Variants in ARHGAP26 observed in about 807,000 individuals in gnomAD.
ARHGAP26 encodes the protein rho GTPase-activating protein 26.
ARHGAP26 carries 38 observed loss-of-function variants against 104.8 expected under a neutral mutation model. That is an observed-to-expected ratio of 0.36 (90% CI 0.28 to 0.48). ARHGAP26 has a LOEUF of 0.48. ARHGAP26 is among the 20% of genes least tolerant of loss of function. The probability of loss-of-function intolerance (pLI) is 0.99; values close to 1 mark genes in which losing one functional copy is unlikely to be tolerated. For synonymous variants in ARHGAP26, 341 were observed against 340.0 expected (o/e 1.00, Z -0.03); for missense variants, 704 against 947.9 (o/e 0.74, Z 3.38).
chr5:143,034,138 C>A (rs1039937288), intron 12 of ARHGAP26, among the ~76,000 whole-genome samples: 2 of 152,190 alleles, frequency 1.3e-5, no homozygotes, highest in African/African-American at 4.8e-5. Flanking sequence ...AACCCTCGTA[C>A]ATTGCGGGTA....
At chr5:143,160,255 TTCACCGTG>T (rs1562528148) in intron 20 of ARHGAP26, among the ~76,000 whole-genome samples, 1 of 151,892 alleles carries the variant, frequency 6.6e-6, no homozygotes, top group Non-Finnish European at 1.5e-5. Flanking sequence ...GAGATGGAGT[TTCACCGTG>T]TTAGCCAGGA....
rs190842950 is a variant in ARHGAP26, at chr5:142,846,820, G to C, written c.155-26580G>C. 3.1e-4 allele frequency among the ~76,000 whole-genome samples: 47 copies of C among 152,278 alleles called. 1 individual carries two copies. The highest frequency in any genetic ancestry group is 3.4e-3 in the Middle Eastern group (1 of 294). The stretch of plus-strand genomic sequence containing the variant: ...CTTTCTTCATTCATTAATTCAATAT[G>C]TATTGATTAGTATGCTTAAAGCATA... On this transcript the variant is annotated intron_variant, in intron 1 of 22. Coordinates refer to ENST00000645722, the MANE Select transcript of ARHGAP26 (RefSeq NM_001135608.3).
At chr5:142,783,950 C>T (rs2151865474) in intron 1 of ARHGAP26, among the ~76,000 whole-genome samples, 1 of 152,370 alleles carries the variant, frequency 6.6e-6, no homozygotes, top group East Asian at 1.9e-4. Flanking sequence ...CACACCACCC[C>T]TGCTGTGGAC....
chr5:143,107,948 A>G (rs1794250230), intron 17 of ARHGAP26, among the ~76,000 whole-genome samples: 1 of 152,218 alleles, frequency 6.6e-6, no homozygotes, highest in African/African-American at 2.4e-5. Flanking sequence ...ATTCCCTGAC[A>G]AATCTATTTT....
chr5:143,167,336 G>T (rs1419393230), intron 20 of ARHGAP26, among the ~76,000 whole-genome samples: 1 of 142,036 alleles, frequency 7.0e-6, no homozygotes, highest in Non-Finnish European at 1.5e-5. Context: ...AAAAAAATTA[G>T]CTGGGCCTGA....
intron 19 of ARHGAP26, among the ~76,000 whole-genome samples, chr5:143,139,619 T>C (rs1249312808): frequency 6.6e-6 from 1 of 152,128 alleles, no homozygotes; most frequent in Non-Finnish European, 1.5e-5. Flanking sequence ...CCCCTCCAAA[T>C]CTAGCACCAA....
intron 20 of ARHGAP26, chr5:143,173,041 G>A (rs2151139428): frequency 5.6e-6 from 1 of 178,554 alleles, no homozygotes; most frequent in African/African-American, 2.4e-5. Context: ...GTGTACGTGA[G>A]ACCTGCACCC....
intron 1 of ARHGAP26, among the ~76,000 whole-genome samples, chr5:142,867,509 A>G (rs1269330682): frequency 6.6e-6 from 1 of 152,052 alleles, no homozygotes; most frequent in African/African-American, 2.4e-5. Context: ...TTCTGATTGG[A>G]TATGTTCTCA....
intron 10 of ARHGAP26, 88 bp from the exon 11 acceptor site, chr5:142,931,959 T>C: frequency 4.0e-6 from 5 of 1,244,944 alleles, no homozygotes; most frequent in Non-Finnish European, 5.9e-6. Flanking sequence ...AGCCACTGAC[T>C]CTTTTGAGTG....
intron 1 of ARHGAP26, among the ~76,000 whole-genome samples, chr5:142,804,596 A>G (rs966117674): frequency 2.6e-5 from 4 of 151,856 alleles, no homozygotes; most frequent in Non-Finnish European, 5.9e-5. Flanking sequence ...GGTTCAAGCA[A>G]TTCTCGTGCC....
chr5:142,806,281 A>G (rs1468763920), intron 1 of ARHGAP26, among the ~76,000 whole-genome samples: 17 of 152,078 alleles, frequency 1.1e-4, no homozygotes, highest in Non-Finnish European at 1.5e-5. Context: ...TATTTTTTGT[A>G]GAAACGGAAT....
intron 10 of ARHGAP26, among the ~76,000 whole-genome samples, chr5:142,922,894 C>G (rs1244224314): frequency 6.6e-6 from 1 of 152,084 alleles, no homozygotes; most frequent in Non-Finnish European, 1.5e-5. Flanking sequence ...GAGTGCTGGT[C>G]TCAATGCCAT....
chr5:142,966,291 G>A (rs756869055), intron 11 of ARHGAP26, among the ~76,000 whole-genome samples: 3 of 152,148 alleles, frequency 2.0e-5, no homozygotes, highest in African/African-American at 4.8e-5. Flanking sequence ...TTGGAATTCC[G>A]TGACTAATTT....
intron 17 of ARHGAP26, among the ~76,000 whole-genome samples, chr5:143,109,808 T>C (rs1794544760): frequency 6.6e-6 from 1 of 152,220 alleles, no homozygotes; most frequent in Admixed American, 6.5e-5. Context: ...TTGAGACCTT[T>C]CCGAGTCTAC....
intron 20 of ARHGAP26, among the ~76,000 whole-genome samples, chr5:143,203,959 C>T (rs1387199189): frequency 1.3e-5 from 2 of 151,824 alleles, no homozygotes; most frequent in Non-Finnish European, 2.9e-5. Flanking sequence ...AGGAGAAATA[C>T]CTAATGTAGA....
At chr5:142,779,330 C>G (rs1340374180) in intron 1 of ARHGAP26, among the ~76,000 whole-genome samples, 2 of 152,100 alleles carry the variant, frequency 1.3e-5, no homozygotes, top group Non-Finnish European at 2.9e-5. Context: ...CTCATTTCAC[C>G]TTGATTGGAA....
intron 11 of ARHGAP26, among the ~76,000 whole-genome samples, chr5:142,964,385 A>G (rs899365876): frequency 2.0e-5 from 3 of 152,190 alleles, no homozygotes; most frequent in Non-Finnish European, 4.4e-5. Flanking sequence ...TCCTTTTAAA[A>G]AAATAAGTGC....
chr5:143,088,536 C>T (rs1790930302), intron 17 of ARHGAP26, among the ~76,000 whole-genome samples: 1 of 151,854 alleles, frequency 6.6e-6, no homozygotes, highest in South Asian at 2.1e-4. Context: ...ATTTAAATTT[C>T]ATGTGAAGCA....
intron 20 of ARHGAP26, among the ~76,000 whole-genome samples, chr5:143,173,880 G>T (rs1803124852): frequency 6.6e-6 from 1 of 152,148 alleles, no homozygotes; most frequent in Admixed American, 6.5e-5. Flanking sequence ...TTTGGTGAAG[G>T]CTGTTAGACA....
Sources: gnomAD v4.1 joint callset for allele counts (sites outside exome capture counted in the v4.1 genomes callset) on GRCh38, gnomAD v4.1.1 for gene constraint, MANE v1.5 for transcripts, NCBI Gene and HGNC (gene_info 2026-07-23, HGNC 2026-07-21) for gene names.